The following SLC24A3 variants were observed in gnomAD, a reference collection of about 807,000 sequenced individuals.
SLC24A3 encodes the protein solute carrier family 24 member 3.
In SLC24A3, 28 loss-of-function variants were observed where a neutral mutation model predicts 75.8. The observed-to-expected ratio is 0.37, with a 90% confidence interval of 0.27 to 0.51. The LOEUF is 0.51. Ranked by LOEUF, SLC24A3 falls within the 20% of genes least tolerant of loss-of-function variation. SLC24A3 has a pLI of 0.94. For synonymous variants in SLC24A3, 372 were observed against 334.1 expected, an observed-to-expected ratio of 1.11 and a Z score of -1.24; for missense variants, 663 against 847.8, an observed-to-expected ratio of 0.78 and a Z score of 2.71.
intron 16 of SLC24A3, 72 bp from the exon 17 acceptor site, chr20:19,720,919 G>T: frequency 6.3e-7 from 1 of 1,575,960 alleles, no homozygotes; most frequent in Non-Finnish European, 8.6e-7. Context: ...GGGTCCCCTG[G>T]GTTCCCCTAC....
At chr20:19,567,005 A>G (rs2030969257) in intron 3 of SLC24A3, among the ~76,000 whole-genome samples, 1 of 152,242 alleles carries the variant, frequency 6.6e-6, no homozygotes, top group African/African-American at 2.4e-5. Flanking sequence ...AAGTCAAAAA[A>G]TAATAGTTGC....
chr20:19,517,861 G>C (rs2030025670), intron 3 of SLC24A3, among the ~76,000 whole-genome samples: 1 of 152,160 alleles, frequency 6.6e-6, no homozygotes. Context: ...GGCCAGGTGG[G>C]CAGAGCAGCA....
chr20:19,398,770 C>A (rs1264132222), intron 2 of SLC24A3, among the ~76,000 whole-genome samples: 4 of 152,178 alleles, frequency 2.6e-5, no homozygotes, highest in African/African-American at 9.7e-5. Flanking sequence ...CTGGGAAATG[C>A]ATTTAATCTT....
chr20:19,411,099 A>G (rs1364421123), intron 2 of SLC24A3, among the ~76,000 whole-genome samples: 2 of 152,200 alleles, frequency 1.3e-5, no homozygotes, highest in African/African-American at 4.8e-5. Context: ...TTGGGCACCG[A>G]TGGCCCATGG....
At chr20:19,477,535 T>A (rs1231412906) in intron 2 of SLC24A3, among the ~76,000 whole-genome samples, 1 of 152,154 alleles carries the variant, frequency 6.6e-6, no homozygotes, top group Non-Finnish European at 1.5e-5. Context: ...AGTGTAAGTG[T>A]GTGGAAGGAA....
At chr20:19,373,691 C>T (rs111788532) in intron 2 of SLC24A3, among the ~76,000 whole-genome samples, 1,944 of 152,202 alleles carry the variant, frequency 0.013, 32 homozygotes, top group African/African-American at 0.045. Context: ...TCCTAAGTTA[C>T]GGAGATTTTG....
intron 2 of SLC24A3, among the ~76,000 whole-genome samples, chr20:19,424,745 C>CAAAA (rs528342351): frequency 2.1e-3 from 102 of 49,116 alleles, no homozygotes; most frequent in Middle Eastern, 0.024. Flanking sequence ...AAAACAACAA[C>CAAAA]AAAAAAAAAA....
intron 1 of SLC24A3, among the ~76,000 whole-genome samples, chr20:19,260,039 G>A (rs1982933656): frequency 6.6e-6 from 1 of 152,232 alleles, no homozygotes; most frequent in Non-Finnish European, 1.5e-5. Flanking sequence ...GGTCTCTGGA[G>A]TGGGATCTGG....
intron 2 of SLC24A3, among the ~76,000 whole-genome samples, chr20:19,346,258 GGTATATATATATGGT>G (rs1431897387): frequency 1.3e-5 from 1 of 78,376 alleles, no homozygotes; most frequent in Non-Finnish European, 2.4e-5. Context: ...ATATATATAT[GGTATATATATATGGT>G]GTATATATAT....
At chr20:19,492,440 G>T (rs576665631) in intron 2 of SLC24A3, among the ~76,000 whole-genome samples, 1 of 152,216 alleles carries the variant, frequency 6.6e-6, no homozygotes, top group Non-Finnish European at 1.5e-5. Flanking sequence ...CGCATCTGTA[G>T]CCTGGCACCA....
At chr20:19,515,019 AC>A (rs2029956457) in intron 2 of SLC24A3, among the ~76,000 whole-genome samples, 1 of 152,246 alleles carries the variant, frequency 6.6e-6, no homozygotes, top group South Asian at 2.1e-4. Flanking sequence ...AGTGAAGCCT[AC>A]AGCCCCCGCT....
intron 6 of SLC24A3, among the ~76,000 whole-genome samples, chr20:19,591,972 A>G (rs74396927): frequency 6.6e-6 from 1 of 152,312 alleles, no homozygotes; most frequent in East Asian, 1.9e-4. Flanking sequence ...TCAGGTAAAT[A>G]ACCTAGGAGT....
At chr20:19,530,871 T>C (rs963860849) in intron 3 of SLC24A3, among the ~76,000 whole-genome samples, 1 of 151,896 alleles carries the variant, frequency 6.6e-6, no homozygotes, top group Non-Finnish European at 1.5e-5. Context: ...CTGTCCAGAG[T>C]AAACAGGTAT....
At chr20:19,545,661 C>A (rs895236402) in intron 3 of SLC24A3, among the ~76,000 whole-genome samples, 1 of 152,162 alleles carries the variant, frequency 6.6e-6, no homozygotes, top group African/African-American at 2.4e-5. Context: ...ACCTGCCCCC[C>A]ACTGGAGCAT....
At chr20:19,379,478 C>A (rs542023616) in intron 2 of SLC24A3, among the ~76,000 whole-genome samples, 1 of 152,070 alleles carries the variant, frequency 6.6e-6, no homozygotes, top group South Asian at 2.1e-4. Context: ...TTTGATAAGC[C>A]CGAGTCTCAC....
intron 2 of SLC24A3, among the ~76,000 whole-genome samples, chr20:19,457,448 C>G (rs1222833299): frequency 6.6e-6 from 1 of 152,180 alleles, no homozygotes; most frequent in Non-Finnish European, 1.5e-5. Flanking sequence ...GATGAAAATG[C>G]TTTATTGAAT....
intron 2 of SLC24A3, among the ~76,000 whole-genome samples, chr20:19,397,705 A>T (rs1398957731): frequency 7.0e-6 from 1 of 142,344 alleles, no homozygotes; most frequent in African/African-American, 2.6e-5. Context: ...CAAGGTAAAG[A>T]TTCTAAAGTT....
intron 2 of SLC24A3, among the ~76,000 whole-genome samples, chr20:19,503,586 G>T (rs1988418230): frequency 1.3e-5 from 2 of 152,150 alleles, no homozygotes; most frequent in Non-Finnish European, 2.9e-5. Flanking sequence ...TAACATAAAA[G>T]GAAAAATGAT....
intron 6 of SLC24A3, among the ~76,000 whole-genome samples, chr20:19,641,466 C>T (rs1277445131): frequency 6.6e-6 from 1 of 152,142 alleles, no homozygotes; most frequent in Non-Finnish European, 1.5e-5. Context: ...AGATGGATAG[C>T]AGCGCTGCTG....
Sources: allele counts gnomAD v4.1 joint callset (sites outside exome capture counted in the v4.1 genomes callset), GRCh38; gene constraint gnomAD v4.1.1; transcripts MANE v1.5; gene names NCBI Gene and HGNC (gene_info 2026-07-23, HGNC 2026-07-21).